Variants in KCNMB3 observed in about 807,000 individuals in gnomAD.
KCNMB3 encodes calcium-activated potassium channel subunit beta-3.
In KCNMB3, 18 loss-of-function variants were observed where a neutral mutation model predicts 11.9. The observed-to-expected ratio is 1.51, with a 90% confidence interval of 1.04 to 2.23. The LOEUF is 2.23. KCNMB3 is among the 30% of genes most tolerant of loss of function. The pLI is 0.00. For synonymous variants in KCNMB3, 78 were observed against 119.2 expected, an observed-to-expected ratio of 0.65 and a Z score of 2.25; for missense variants, 247 against 329.4, an observed-to-expected ratio of 0.75 and a Z score of 1.94.
upstream of KCNMB3, among the ~76,000 whole-genome samples, chr3:179,254,400 A>G (rs79956124): frequency 3.3e-5 from 5 of 152,366 alleles, no homozygotes; most frequent in African/African-American, 1.2e-4. Flanking sequence ...GGGTAATACA[A>G]AAATCTCAAG....
chr3:179,250,504 T>C (rs2108446133), intron 1 of KCNMB3, among the ~76,000 whole-genome samples: 1 of 152,310 alleles, frequency 6.6e-6, no homozygotes, highest in African/African-American at 2.4e-5. Flanking sequence ...TGGAGGTATA[T>C]ATAGATTATG....
chr3:179,255,199 AT>A (rs1179803421), upstream of KCNMB3, among the ~76,000 whole-genome samples: 2 of 151,854 alleles, frequency 1.3e-5, no homozygotes, highest in African/African-American at 4.8e-5. Flanking sequence ...ATAATAAAAA[AT>A]AAAATAAAAG....
intron 1 of KCNMB3, among the ~76,000 whole-genome samples, chr3:179,248,669 A>C (rs1234631908): frequency 6.6e-6 from 1 of 150,706 alleles, no homozygotes. Flanking sequence ...TCGAAGCTGC[A>C]GTGAGCCATG....
chr3:179,262,916 G>T (rs1726266275), intron 1 of KCNMB3, among the ~76,000 whole-genome samples: 1 of 152,214 alleles, frequency 6.6e-6, no homozygotes, highest in Non-Finnish European at 1.5e-5. Flanking sequence ...GTACCAATTG[G>T]TGTATTTACA....
exon 1 of KCNMB3, chr3:179,266,941 A>T (rs895024799): frequency 1.5e-6 from 2 of 1,350,616 alleles, no homozygotes; most frequent in Non-Finnish European, 1.9e-6. Context: ...TCAGTTCTAG[A>T]TGATCAAGAA....
chr3:179,252,579 A>G (rs1243443456), upstream of KCNMB3, among the ~76,000 whole-genome samples: 1 of 152,162 alleles, frequency 6.6e-6, no homozygotes, highest in Admixed American at 6.5e-5. Flanking sequence ...CACCAACCTC[A>G]GAAGGTGGGG....
At chr3:179,247,340 CATA>C (rs1368462870) in intron 1 of KCNMB3, among the ~76,000 whole-genome samples, 6 of 147,618 alleles carry the variant, frequency 4.1e-5, no homozygotes, top group Non-Finnish European at 9.0e-5. Flanking sequence ...ACATGTAATG[CATA>C]TATATATATA....
chr3:179,261,380 G>A (rs112602909), intron 1 of KCNMB3: 4 of 1,107,704 alleles, frequency 3.6e-6, no homozygotes, highest in Admixed American at 5.1e-5. Context: ...CGCGGAGACG[G>A]AGCCACTCGC....
chr3:179,251,243 C>A (rs3806684), upstream of KCNMB3: 147 of 1,499,480 alleles, frequency 9.8e-5, no homozygotes, highest in East Asian at 1.2e-3. Flanking sequence ...ATAAGTGTTA[C>A]GAACTTTGTT....
intron 1 of KCNMB3, chr3:179,261,135 G>A: frequency 3.0e-6 from 4 of 1,325,304 alleles, no homozygotes; most frequent in Non-Finnish European, 1.1e-6. Context: ...TTCTGCTGCC[G>A]CTCCAGCTCC....
rs1726130613 is a variant in KCNMB3, at chr3:179,259,464, T to C, written c.62+7185A>G. On this transcript the variant is annotated intron_variant, in intron 1 of 3. Transcript: ENST00000349697. ...CTCCTCAGCTGCTGTTTTTACATCA[T>C]TGCCTTCTTGGTCAAGTTTTCCATC... is the stretch of plus-strand genomic sequence containing the variant. The C allele has an allele frequency of 2.5e-6, 4 of 1,612,842 alleles. No homozygotes were observed. The African/African-American group carries it at 4.0e-5, about 16-fold the overall frequency.
chr3:179,254,826 C>T (rs925949451), upstream of KCNMB3, among the ~76,000 whole-genome samples: 7 of 151,740 alleles, frequency 4.6e-5, no homozygotes, highest in African/African-American at 1.7e-4. Context: ...AAAAAGAAGA[C>T]GTATATAAAT....
At chr3:179,247,164 G>C (rs899908514) in intron 1 of KCNMB3, among the ~76,000 whole-genome samples, 2 of 152,112 alleles carry the variant, frequency 1.3e-5, no homozygotes, top group Admixed American at 1.3e-4. Flanking sequence ...GGAATGCTTA[G>C]AAAAGTAAAA....
At chr3:179,259,356 TC>T (rs1726126230) in intron 1 of KCNMB3, 1 of 1,567,390 alleles carries the variant, frequency 6.4e-7, no homozygotes, top group African/African-American at 1.4e-5. Context: ...AACACCTTCA[TC>T]TAATTCTTCA....
At chr3:179,259,258 T>C (rs1202114127) in intron 1 of KCNMB3, 4 of 1,535,072 alleles carry the variant, frequency 2.6e-6, no homozygotes, top group Non-Finnish European at 2.6e-6. Context: ...CTTTCATTTT[T>C]GGGTACGGTG....
chr3:179,249,095 C>T (rs1489366405), intron 1 of KCNMB3, among the ~76,000 whole-genome samples: 1 of 147,774 alleles, frequency 6.8e-6, no homozygotes. Flanking sequence ...TCACTGCAAG[C>T]TCCACCTCCT....
chr3:179,263,358 G>A (rs1322248244), intron 1 of KCNMB3, among the ~76,000 whole-genome samples: 4 of 152,186 alleles, frequency 2.6e-5, no homozygotes, highest in Non-Finnish European at 5.9e-5. Flanking sequence ...CGCAAGCTCC[G>A]CGCACAGCCC....
Position 179,244,649 on chromosome 3 carries a change from A to C in KCNMB3, c.293T>G (p.Ile98Ser), listed in dbSNP as rs1451143022. ...ESTCTAIHTDIMDDWLDCAFT... is the reference protein window; with the variant it reads ...ESTCTAIHTDSMDDWLDCAFT... ...GGCACAGTCCAGCCAGTCGTCCATG[A>C]TATCTGTGTGGATGGCAGTGCAGGT... The change falls in exon 2 of 3, where the codon ATC becomes AGC. Residue 98 changes from isoleucine (I) to serine (S), a missense_variant. Physicochemically the swap from Ile to Ser is moderately radical, Grantham distance 142 (BLOSUM62 -2). Coordinates refer to ENST00000392685, the MANE Select transcript of KCNMB3 (RefSeq NM_171830.2). 2 of 1,613,904 alleles carry C rather than the reference A, an allele frequency of 1.2e-6. No individual in the cohort carries two copies. Among genetic ancestry groups the C allele is most frequent in the Non-Finnish European group, 1.7e-6 (2 of 1,180,004 alleles).
chr3:179,259,734 T>C, intron 1 of KCNMB3: 3 of 1,594,690 alleles, frequency 1.9e-6, no homozygotes, highest in Non-Finnish European at 2.6e-6. Context: ...CTTTTTCTTG[T>C]TCTTTCTCTT....
Sources: gnomAD v4.1 joint callset for allele counts (sites outside exome capture counted in the v4.1 genomes callset) on GRCh38, gnomAD v4.1.1 for gene constraint, MANE v1.5 for transcripts, NCBI Gene and HGNC (gene_info 2026-07-23, HGNC 2026-07-21) for gene names.